EPHA3: variants seen among roughly 807,000 people sequenced by gnomAD.
The protein encoded by EPHA3 is ephrin type-A receptor 3.
A neutral mutation model predicts 107.1 loss-of-function variants in EPHA3; 42 were observed. That is an observed-to-expected ratio of 0.39 (90% confidence interval 0.31 to 0.51). The LOEUF (loss-of-function observed/expected upper bound fraction) is 0.51, where lower values mean the gene tolerates loss of function less well. EPHA3 is among the 20% of genes least tolerant of loss of function. The pLI is 0.78. For missense variants in EPHA3, 1,183 were observed against 1,211.2 expected (o/e 0.98, Z 0.35); for synonymous variants, 461 against 424.8 (o/e 1.09, Z -1.05).
chr3:89,112,083 G>T (rs1380593032), intron 1 of EPHA3, among the ~76,000 whole-genome samples: 1 of 151,950 alleles, frequency 6.6e-6, no homozygotes, highest in Non-Finnish European at 1.5e-5. Context: ...CTTATAAAAG[G>T]GGAACTACAT....
chr3:89,165,899 T>C (rs1705050151), intron 2 of EPHA3, among the ~76,000 whole-genome samples: 1 of 152,216 alleles, frequency 6.6e-6, no homozygotes. Context: ...GTTTTCATTT[T>C]CCCAGAACAC....
Position 89,481,166 on chromosome 3 carries a change from A to G in EPHA3, c.*1664A>G, listed in dbSNP as rs1371550555. 1 of 232,330 alleles carries G rather than the reference A, an allele frequency of 4.3e-6. No homozygotes were observed. The highest frequency in any genetic ancestry group is 8.5e-6 in the Non-Finnish European group (1 of 117,474). The allele number at this position is 232,330 out of a possible 1,614,324, so 14.4% of individuals were successfully genotyped here. On this transcript the variant is annotated 3_prime_UTR_variant, in exon 17 of 17. Coordinates refer to ENST00000336596, the MANE Select transcript of EPHA3 (RefSeq NM_005233.6). Reference sequence around the variant, plus strand: ...TGCAAACTTAATGTTCTTATGCAAAATGGAACGCTAATGAAACACAGCTTA... The same window carrying G: ...TGCAAACTTAATGTTCTTATGCAAAGTGGAACGCTAATGAAACACAGCTTA...
intron 7 of EPHA3, among the ~76,000 whole-genome samples, chr3:89,405,065 G>T (rs1709031910): frequency 6.6e-6 from 1 of 152,106 alleles, no homozygotes; most frequent in African/African-American, 2.4e-5. Context: ...CTTTATAGGA[G>T]AAATATTTGT....
chr3:89,137,086 A>G (rs1044208362), intron 2 of EPHA3, among the ~76,000 whole-genome samples: 2 of 152,126 alleles, frequency 1.3e-5, no homozygotes, highest in African/African-American at 4.8e-5. Context: ...TATTCAATTC[A>G]TTATACATTA....
intron 3 of EPHA3, among the ~76,000 whole-genome samples, chr3:89,301,760 T>G (rs1265450804): frequency 3.9e-5 from 6 of 152,130 alleles, no homozygotes; most frequent in Non-Finnish European, 8.8e-5. Flanking sequence ...ATTCTAATTT[T>G]TTATTCTCTA....
intron 2 of EPHA3, among the ~76,000 whole-genome samples, chr3:89,154,479 A>G (rs1704755562): frequency 6.6e-6 from 1 of 151,964 alleles, no homozygotes; most frequent in African/African-American, 2.4e-5. Flanking sequence ...AATGAAGTGC[A>G]GCAAAACATA....
At chr3:89,455,974 A>T (rs1484961906) in intron 15 of EPHA3, among the ~76,000 whole-genome samples, 2 of 152,196 alleles carry the variant, frequency 1.3e-5, no homozygotes, top group Non-Finnish European at 2.9e-5. Flanking sequence ...AGCACACACC[A>T]TGCTTCTCTC....
Position 89,425,002 on chromosome 3 carries a change from C to T in EPHA3, c.2075-4104C>T, listed in dbSNP as rs929557661. On this transcript the variant is annotated intron_variant, in intron 11 of 16. Transcript: ENST00000336596. ...TTTGAAGAAAGAAATTATCTCTAGCCAGTCTGAAATTATAGACCTAATTTG... is the reference window on the plus strand; with the variant it reads ...TTTGAAGAAAGAAATTATCTCTAGCTAGTCTGAAATTATAGACCTAATTTG... Among the ~76,000 whole-genome samples, 3 of 151,334 alleles carry T rather than the reference C, an allele frequency of 2.0e-5. No homozygotes were observed. In the Admixed American group the frequency reaches 2.0e-4, roughly 10 times the overall value.
chr3:89,226,519 A>G (rs770205403), intron 3 of EPHA3, among the ~76,000 whole-genome samples: 19 of 152,146 alleles, frequency 1.2e-4, no homozygotes, highest in Non-Finnish European at 2.6e-4. Flanking sequence ...ATTTCACTAA[A>G]CAGTGTACAA....
intron 2 of EPHA3, among the ~76,000 whole-genome samples, chr3:89,159,456 A>G (rs1704875187): frequency 6.6e-6 from 1 of 152,062 alleles, no homozygotes; most frequent in South Asian, 2.1e-4. Context: ...AATTACCACC[A>G]CCGTTAGTCC....
intron 3 of EPHA3, among the ~76,000 whole-genome samples, chr3:89,291,362 G>A (rs1706202908): frequency 6.6e-6 from 1 of 152,040 alleles, no homozygotes; most frequent in Non-Finnish European, 1.5e-5. Context: ...AAAAATGAGT[G>A]TGTACTATGG....
At chr3:89,208,470 G>GAAAGAAAGAA (rs1559600916) in intron 2 of EPHA3, among the ~76,000 whole-genome samples, 2 of 128,992 alleles carry the variant, frequency 1.6e-5, no homozygotes, top group African/African-American at 6.1e-5. Flanking sequence ...AAGAAAGAAA[G>GAAAGAAAGAA]AAAGAAAGAA....
At chr3:89,473,324 A>G (rs1038358996) in intron 16 of EPHA3, among the ~76,000 whole-genome samples, 4 of 152,194 alleles carry the variant, frequency 2.6e-5, no homozygotes, top group East Asian at 3.9e-4. Context: ...TTTGTGGACA[A>G]TCATCTTTGG....
In EPHA3 at chr3:89,450,249, A is replaced by T. The variant is rs761893191; in HGVS notation, c.2569A>T (p.Met857Leu). The T allele has an allele frequency of 3.1e-6, 5 of 1,614,008 alleles. No individual in the cohort carries two copies. Among genetic ancestry groups the T allele is most frequent in the Non-Finnish European group, 3.4e-6 (4 of 1,179,934 alleles). ...CTGCCCAGCTGCCTTGTATCAGCTG[A>T]TGCTGGACTGCTGGCAGAAAGACAG... ...MDCPAALYQL[M>L]LDCWQKDRNN... is the part of the protein sequence containing the mutation. Residue 857 changes from methionine (M) to leucine (L), a missense_variant, in exon 15 of 17, where the codon ATG becomes TTG. By Grantham distance (15) the Met-to-Leu change is conservative. Transcript: ENST00000336596.
intron 2 of EPHA3, among the ~76,000 whole-genome samples, chr3:89,131,723 G>A (rs1276042531): frequency 6.6e-6 from 1 of 152,134 alleles, no homozygotes; most frequent in East Asian, 1.9e-4. Context: ...ATATATGTTT[G>A]TGGAAAACAG....
chr3:89,231,635 G>C (rs1456550363), intron 3 of EPHA3, among the ~76,000 whole-genome samples: 2 of 152,118 alleles, frequency 1.3e-5, no homozygotes, highest in Non-Finnish European at 2.9e-5. Flanking sequence ...GTTTGGGGCA[G>C]GGCCTGAGAT....
Position 89,341,966 on chromosome 3 carries a change from G to T in EPHA3, c.1182G>T (p.Val394=), listed in dbSNP as rs1484618666. Residue 394 remains valine, a synonymous_variant, in exon 5 of 17, where the codon GTG becomes GTT. Coordinates refer to ENST00000336596, the MANE Select transcript of EPHA3 (RefSeq NM_005233.6). The stretch of plus-strand genomic sequence containing the variant: ...AGTTTGGACTCACCAACACCACGGT[G>T]ACAGTGACAGACCTTCTGGCACATA... ...PRQFGLTNTT[V]TVTDLLAHTN... is the part of the protein sequence containing the mutation. 4 of 1,613,074 alleles carry T rather than the reference G, an allele frequency of 2.5e-6. No homozygotes were observed. The highest frequency in any genetic ancestry group is 1.1e-5 in the South Asian group (1 of 90,942).
At chr3:89,175,437 T>G (rs1403657880) in intron 2 of EPHA3, among the ~76,000 whole-genome samples, 1 of 152,158 alleles carries the variant, frequency 6.6e-6, no homozygotes, top group East Asian at 1.9e-4. Flanking sequence ...ACAAGTGTAG[T>G]GTAAAGTCAC....
At chr3:89,292,594 AT>A (rs1171409548) in intron 3 of EPHA3, among the ~76,000 whole-genome samples, 26 of 152,276 alleles carry the variant, frequency 1.7e-4, no homozygotes, top group Non-Finnish European at 2.9e-5. Flanking sequence ...TGATTTTCCA[AT>A]TTGTAAATAT....
Sources: gnomAD v4.1 joint callset for allele counts (sites outside exome capture counted in the v4.1 genomes callset) on GRCh38, gnomAD v4.1.1 for gene constraint, MANE v1.5 for transcripts, NCBI Gene and HGNC (gene_info 2026-07-23, HGNC 2026-07-21) for gene names.